BTC: variants seen among roughly 807,000 people sequenced by gnomAD.
BTC encodes the protein betacellulin, also known as probetacellulin.
In BTC, 13 loss-of-function variants were observed where a neutral mutation model predicts 18.1. The ratio of observed to expected loss-of-function variants is 0.72; its 90% CI spans 0.47 to 1.14. The LOEUF is 1.14. BTC is among the 50% of genes most tolerant of loss of function. BTC has a pLI of 0.00. For synonymous variants in BTC, 83 were observed against 79.4 expected, an observed-to-expected ratio of 1.05 and a Z score of -0.24; for missense variants, 247 against 224.2, an observed-to-expected ratio of 1.10 and a Z score of -0.65.
chr4:74,761,569 C>T (rs966423836), intron 2 of BTC, among the ~76,000 whole-genome samples: 3 of 152,204 alleles, frequency 2.0e-5, no homozygotes, highest in African/African-American at 7.2e-5. Context: ...TTGATTTTCC[C>T]ATTCAAACTT....
At chr4:74,758,369 T>C (rs1724658521) in intron 2 of BTC, among the ~76,000 whole-genome samples, 1 of 152,150 alleles carries the variant, frequency 6.6e-6, no homozygotes, top group African/African-American at 2.4e-5. Flanking sequence ...TTTGTCACCA[T>C]ATTATATAAG....
At chr4:74,758,572 T>C (rs1724664096) in intron 2 of BTC, among the ~76,000 whole-genome samples, 1 of 152,160 alleles carries the variant, frequency 6.6e-6, no homozygotes, top group Non-Finnish European at 1.5e-5. Flanking sequence ...ATCAAAGTCA[T>C]TTGGCTATGT....
intron 5 of BTC, among the ~76,000 whole-genome samples, chr4:74,747,089 G>A (rs1553955573): frequency 6.6e-6 from 1 of 152,182 alleles, no homozygotes; most frequent in African/African-American, 2.4e-5. Flanking sequence ...CTTACCTCTG[G>A]ACTGCCATTC....
chr4:74,773,627 T>A (rs1725104880), intron 1 of BTC, among the ~76,000 whole-genome samples: 1 of 151,790 alleles, frequency 6.6e-6, no homozygotes, highest in African/African-American at 2.4e-5. Context: ...TTTTTTTTTT[T>A]TTTAGACAGA....
intron 2 of BTC, among the ~76,000 whole-genome samples, chr4:74,768,656 T>C (rs867291975): frequency 6.6e-5 from 10 of 152,172 alleles, no homozygotes; most frequent in Non-Finnish European, 8.8e-5. Flanking sequence ...CATTAATAAA[T>C]TTGAAGAGAT....
Position 74,756,084 on chromosome 4 carries a change from T to G in BTC, c.164-108A>C, listed in dbSNP as rs1463815390. 4 of 1,051,010 alleles carry G rather than the reference T, an allele frequency of 3.8e-6. No homozygotes were observed. The African/African-American group carries it at 6.3e-5, about 17-fold the overall frequency. The allele number at this position is 1,051,010 out of a possible 1,614,324, so 65.1% of individuals were successfully genotyped here. On this transcript the variant is annotated intron_variant, in intron 2 of 5. Coordinates refer to ENST00000395743, the MANE Select transcript of BTC (RefSeq NM_001729.4). Reference sequence around the variant, plus strand: ...AGTTTCTCTGTAGAATATGTTTGAATCTCTCATTTTTCTTTCTCTCTGCAC... The same window carrying G: ...AGTTTCTCTGTAGAATATGTTTGAAGCTCTCATTTTTCTTTCTCTCTGCAC...
intron 2 of BTC, among the ~76,000 whole-genome samples, chr4:74,756,300 A>T (rs1428329993): frequency 1.3e-5 from 2 of 152,160 alleles, no homozygotes; most frequent in Non-Finnish European, 2.9e-5. Flanking sequence ...AAGTTATCAG[A>T]GCCACACTAG....
At chr4:74,793,486 C>G (rs1725686731) in intron 1 of BTC, among the ~76,000 whole-genome samples, 1 of 152,184 alleles carries the variant, frequency 6.6e-6, no homozygotes, top group South Asian at 2.1e-4. Context: ...TGTCTACAGC[C>G]CAGCTAAGAT....
chr4:74,756,506 T>A (rs553085014), intron 2 of BTC, among the ~76,000 whole-genome samples: 140 of 152,300 alleles, frequency 9.2e-4, no homozygotes, highest in African/African-American at 3.3e-3. Context: ...GCACGATACA[T>A]GGAGGCTAAG....
chr4:74,761,169 C>G (rs1007261292), intron 2 of BTC, among the ~76,000 whole-genome samples: 8 of 151,852 alleles, frequency 5.3e-5, no homozygotes, highest in African/African-American at 1.9e-4. Flanking sequence ...GCATGGGTAT[C>G]TTTGCATATG....
chr4:74,789,746 A>T (rs919934655), intron 1 of BTC, among the ~76,000 whole-genome samples: 1 of 152,240 alleles, frequency 6.6e-6, no homozygotes, highest in Non-Finnish European at 1.5e-5. Flanking sequence ...TTCTAAAATG[A>T]CAGTTTTATT....
intron 1 of BTC, among the ~76,000 whole-genome samples, 176 bp downstream of exon 1, chr4:74,794,086 C>G (rs1315053240): frequency 6.6e-6 from 1 of 152,154 alleles, no homozygotes; most frequent in Non-Finnish European, 1.5e-5. Flanking sequence ...CCCCAGGTGC[C>G]CAATTGCCAG....
chr4:74,770,145 G>A lies in BTC; in HGVS notation c.76C>T (p.Leu26Phe), dbSNP rs750906388. The change falls in exon 2 of 6, where the codon CTT (leucine) becomes TTT (phenylalanine). Residue 26 changes from leucine to phenylalanine, a missense_variant. By Grantham distance (22) the Leu-to-Phe change is conservative. Transcript: ENST00000395743. ...TTCCCATCTGCCACCACACAGTGAA[G>A]GATCACTAGACCTTCAAATTCAAAA... ...LLALALGLVI[L>F]HCVVADGNST... 3 of 1,610,728 alleles carry A rather than the reference G, an allele frequency of 1.9e-6. No individual in the cohort carries two copies. The highest frequency in any genetic ancestry group is 1.7e-6 in the Non-Finnish European group (2 of 1,178,710).
At chr4:74,765,476 C>G (rs769047304) in intron 2 of BTC, among the ~76,000 whole-genome samples, 1 of 151,950 alleles carries the variant, frequency 6.6e-6, no homozygotes, top group Non-Finnish European at 1.5e-5. Context: ...AGTGAAAAAG[C>G]TTAAAGGACT....
At chr4:74,777,803 C>T (rs1290457105) in intron 1 of BTC, among the ~76,000 whole-genome samples, 2 of 142,550 alleles carry the variant, frequency 1.4e-5, no homozygotes, top group Non-Finnish European at 3.0e-5. Flanking sequence ...CTGACAAAGT[C>T]AGATCATAGT....
chr4:74,794,346 G>C lies in BTC; in HGVS notation c.-21C>G, dbSNP rs1266553525. On this transcript the variant is annotated 5_prime_UTR_variant, in exon 1 of 6. Coordinates refer to ENST00000395743, the MANE Select transcript of BTC (RefSeq NM_001729.4). Reference sequence around the variant, plus strand: ...TCCATCAACCCCGCTCTGCCGGGCCGGGCAGCCCCTAGACAAGTCTCCCTC... The same window carrying C: ...TCCATCAACCCCGCTCTGCCGGGCCCGGCAGCCCCTAGACAAGTCTCCCTC... The C allele has an allele frequency of 2.0e-5, 30 of 1,538,392 alleles. No individual in the cohort carries two copies. Among genetic ancestry groups the C allele is most frequent in the Non-Finnish European group, 2.0e-5 (23 of 1,142,782 alleles).
At chr4:74,747,851 T>C (rs1379976556) in intron 5 of BTC, among the ~76,000 whole-genome samples, 189 bp downstream of exon 5, 1 of 152,158 alleles carries the variant, frequency 6.6e-6, no homozygotes, top group African/African-American at 2.4e-5. Context: ...TGTGGTAACA[T>C]GCAGAAAAAA....
chr4:74,790,768 A>G (rs1032622248), intron 1 of BTC, among the ~76,000 whole-genome samples: 1 of 152,188 alleles, frequency 6.6e-6, no homozygotes, highest in African/African-American at 2.4e-5. Flanking sequence ...ACCAATACCA[A>G]CTGAACATTA....
At chr4:74,747,557 T>C (rs1428929411) in intron 5 of BTC, among the ~76,000 whole-genome samples, 1 of 152,148 alleles carries the variant, frequency 6.6e-6, no homozygotes, top group Non-Finnish European at 1.5e-5. Context: ...TCAGTATACC[T>C]TTTCTTAACC....
Sources: allele counts gnomAD v4.1 joint callset (sites outside exome capture counted in the v4.1 genomes callset), GRCh38; gene constraint gnomAD v4.1.1; transcripts MANE v1.5; gene names NCBI Gene and HGNC (gene_info 2026-07-23, HGNC 2026-07-21).